Variants in PCDHGB2 observed in about 807,000 individuals in gnomAD.
PCDHGB2 encodes protocadherin gamma subfamily B, 2.
A neutral mutation model predicts 59.3 loss-of-function variants in PCDHGB2; 55 were observed. That is an observed-to-expected ratio of 0.93 (90% CI 0.75 to 1.16). The LOEUF (loss-of-function observed/expected upper bound fraction) is 1.16, where lower values mean the gene tolerates loss of function less well. Ranked by LOEUF, PCDHGB2 falls within the 50% of genes most tolerant of loss-of-function variation. The probability of loss-of-function intolerance (pLI) is 0.00; values close to 1 mark genes in which losing one functional copy is unlikely to be tolerated. For synonymous variants in PCDHGB2, 516 were observed against 512.0 expected (o/e 1.01, Z -0.11); for missense variants, 1,228 against 1,198.5 (o/e 1.02, Z -0.36).
At chr5:141,382,912 C>T in intron 1 of PCDHGB2, 1 of 1,552,240 alleles carries the variant, frequency 6.4e-7, no homozygotes, top group South Asian at 1.2e-5. Context: ...GGCGGCTCAG[C>T]CGAGGGGCGG....
chr5:141,460,624 T>TA (rs1464862917), intron 1 of PCDHGB2, among the ~76,000 whole-genome samples: 2 of 152,128 alleles, frequency 1.3e-5, no homozygotes, highest in African/African-American at 4.8e-5. Context: ...GATAGACAGA[T>TA]ACAGATATAT....
intron 1 of PCDHGB2, chr5:141,433,239 G>A: frequency 1.3e-6 from 2 of 1,494,126 alleles, no homozygotes; most frequent in Non-Finnish European, 1.8e-6. Context: ...TGTCTCCCAA[G>A]CTGGAATGCA....
intron 1 of PCDHGB2, chr5:141,415,863 G>T (rs1321470910): frequency 2.7e-5 from 30 of 1,107,154 alleles, no homozygotes; most frequent in Non-Finnish European, 3.6e-5. Context: ...GTAGTTTATA[G>T]TGTTGTTGAG....
chr5:141,477,794 C>G lies in PCDHGB2; in HGVS notation c.2422-17013C>G, dbSNP rs148942362. The G allele has an allele frequency of 6.2e-7, 1 of 1,614,086 alleles. No individual in the cohort carries two copies. The highest frequency in any genetic ancestry group is 1.1e-5 in the South Asian group (1 of 91,082). On this transcript the variant is annotated intron_variant, in intron 1 of 3. Transcript: ENST00000522605. This position sits in a 1 kb window ranked among gnomAD's most constrained non-coding sequence, Gnocchi z 4.9. ...CAGCGTGAACATATTTGTCACTGAT[C>G]GCAATGACAATGCCCCCCAGGTCCT...
intron 1 of PCDHGB2, chr5:141,419,239 C>T (rs374093302): frequency 3.7e-6 from 6 of 1,614,008 alleles, no homozygotes; most frequent in East Asian, 2.2e-5. Context: ...ACCTGGTCCA[C>T]GTGCCAGAAA....
At chr5:141,421,955 T>A in intron 1 of PCDHGB2, 1 of 1,612,914 alleles carries the variant, frequency 6.2e-7, no homozygotes, top group South Asian at 1.1e-5. Context: ...ATCCCAATGT[T>A]TACACAGTCC....
rs746088761 is a variant in PCDHGB2 at position 141,404,246 on chromosome 5, CT to C, written c.2421+41691del. 9.3e-6 allele frequency: 15 copies of C among 1,613,922 alleles called. 1 individual carries two copies. The highest frequency in any genetic ancestry group is 5.0e-5 in the Admixed American group (3 of 60,012). Reference sequence around the variant, plus strand: ...TGCAACAGACAGAGGAACTCCGCCCCTGTCCACAGAAATTCACATCACCCTG... The same window carrying C: ...TGCAACAGACAGAGGAACTCCGCCCCGTCCACAGAAATTCACATCACCCTG... On this transcript the variant is annotated intron_variant, in intron 1 of 3. Coordinates refer to ENST00000522605, the MANE Select transcript of PCDHGB2 (RefSeq NM_018923.3).
At position 141,361,052 on chromosome 5, in the gene PCDHGB2, A is replaced by G; in HGVS notation, c.917A>G (p.Asp306Gly). Reference sequence around the variant, plus strand: ...ACAGGAGAAATCACGACAAAGGATGATTTGGATTTTGAGATTGCAAGTAGT... The same window carrying G: ...ACAGGAGAAATCACGACAAAGGATGGTTTGGATTTTGAGATTGCAAGTAGT... Reference protein sequence around the residue: ...EKTGEITTKDDLDFEIASSYT... With the variant: ...EKTGEITTKDGLDFEIASSYT... The change falls in exon 1 of 4, where the codon GAT (aspartate) becomes GGT (glycine). Residue 306 changes from aspartate (D) to glycine (G), a missense_variant. Physicochemically the swap from Asp to Gly is moderately conservative, Grantham distance 94 (BLOSUM62 -1). This residue lies in a region of PCDHGB2 where 781 missense variants were observed against 721.6 expected (regional missense o/e 1.08). Transcript: ENST00000522605. The G allele has an allele frequency of 6.2e-7, 1 of 1,613,800 alleles. No individual in the cohort carries two copies. Among genetic ancestry groups the G allele is most frequent in the Non-Finnish European group, 8.5e-7 (1 of 1,179,782 alleles).
chr5:141,410,661 A>G, intron 1 of PCDHGB2: 1 of 1,572,394 alleles, frequency 6.4e-7, no homozygotes, highest in Non-Finnish European at 8.6e-7. Context: ...CTAATAGTCT[A>G]CTAGTTTCTC....
At chr5:141,405,363 C>A (rs765508317) in intron 1 of PCDHGB2, 3 of 1,613,808 alleles carry the variant, frequency 1.9e-6, no homozygotes, top group South Asian at 1.1e-5. Context: ...ATAGAAGACA[C>A]CCCTTTGGTT....
In PCDHGB2 at chr5:141,380,519, G is replaced by C. The variant is rs564373516; in HGVS notation, c.2421+17963G>C. 2.0e-5 allele frequency among the ~76,000 whole-genome samples: 3 copies of C among 152,234 alleles called. No homozygotes were observed. In the East Asian group the frequency reaches 5.8e-4, roughly 29 times the overall value. ...CAATAATATACACTCTTTAAACTATGAAATGATTTCAATTTGATACAATGA... is the reference window on the plus strand; with the variant it reads ...CAATAATATACACTCTTTAAACTATCAAATGATTTCAATTTGATACAATGA... On this transcript the variant is annotated intron_variant, in intron 1 of 3. Transcript: ENST00000522605.
rs551885796 is a variant in PCDHGB2, at chr5:141,361,524, G to T, written c.1389G>T (p.Glu463Asp). The T allele has an allele frequency of 6.2e-7, 1 of 1,614,056 alleles. No homozygotes were observed. Among genetic ancestry groups the T allele is most frequent in the South Asian group, 1.1e-5 (1 of 91,084 alleles). The change falls in exon 1 of 4, where the codon GAG becomes GAT. Residue 463 changes from glutamate (E) to aspartate (D), a missense_variant. Physicochemically the swap from Glu to Asp is conservative, Grantham distance 45. This residue lies in a region of PCDHGB2 where 781 missense variants were observed against 721.6 expected (regional missense o/e 1.08). Transcript: ENST00000522605. The stretch of plus-strand genomic sequence containing the variant: ...CTTCCTACATGGTTCACGTGGCAGA[G>T]AACAATCCTCCTGGCGCCTCTATCG... ...QQTSYMVHVA[E>D]NNPPGASIAQ...
rs1288507078 is a variant in PCDHGB2 at position 141,476,171 on chromosome 5, G to A, written c.2422-18636G>A. On this transcript the variant is annotated intron_variant, in intron 1 of 3. Transcript: ENST00000522605. This position sits in a 1 kb window ranked among gnomAD's most constrained non-coding sequence, Gnocchi z 7.6. ...GGTAAGCACCGGGAGGGTAGTGGGA[G>A]TTTTGCTTCTGCTTGGTGCCTTGAA... The A allele has an allele frequency of 1.2e-6, 2 of 1,613,442 alleles. No individual in the cohort carries two copies. The highest frequency in any genetic ancestry group is 1.7e-6 in the Non-Finnish European group (2 of 1,179,978).
At chr5:141,436,950 C>A (rs894702404) in intron 1 of PCDHGB2, among the ~76,000 whole-genome samples, 3 of 152,138 alleles carry the variant, frequency 2.0e-5, no homozygotes, top group African/African-American at 7.2e-5. Flanking sequence ...ATAGTGAAAT[C>A]TAAACAAGGA....
Position 141,431,451 on chromosome 5 carries a change from T to C in PCDHGB2, c.2422-63356T>C. On this transcript the variant is annotated intron_variant, in intron 1 of 3. Transcript: ENST00000522605. The surrounding 1 kb of genome is among the most constrained non-coding windows in gnomAD (Gnocchi z 4.8). ...ACAGGCACCGCGCGCATCCGCGTGA[T>C]GGTTCTGGATGCGAACGACAACGCA... The C allele has an allele frequency of 6.2e-7, 1 of 1,613,762 alleles. No individual in the cohort carries two copies. Among genetic ancestry groups the C allele is most frequent in the African/African-American group, 1.3e-5 (1 of 75,072 alleles).
At chr5:141,423,758 G>GGGC (rs1554116874) in intron 1 of PCDHGB2, 82 of 366,752 alleles carry the variant, frequency 2.2e-4, no homozygotes, top group Middle Eastern at 4.2e-4. Context: ...TTTGGGGGGG[G>GGGC]GGTGGGGCGG....
chr5:141,442,131 A>T, intron 1 of PCDHGB2: 1 of 165,118 alleles, frequency 6.1e-6, no homozygotes, highest in Non-Finnish European at 1.3e-5. Context: ...GACAGCCTGC[A>T]GGAGACTCTG....
At chr5:141,443,845 A>C (rs923351698) in intron 1 of PCDHGB2, among the ~76,000 whole-genome samples, 19 of 152,224 alleles carry the variant, frequency 1.2e-4, no homozygotes, top group Admixed American at 5.9e-4. Context: ...GGTAATATGG[A>C]AAGTCTGAAA....
At chr5:141,365,397 T>A (rs1763890362) in intron 1 of PCDHGB2, 1 of 1,613,844 alleles carries the variant, frequency 6.2e-7, no homozygotes, top group Non-Finnish European at 8.5e-7. Context: ...ACCAGTTCGA[T>A]CTCTGAAGAC....
Sources: gnomAD v4.1 joint callset for allele counts (sites outside exome capture counted in the v4.1 genomes callset) on GRCh38, gnomAD v4.1.1 for gene constraint, gnomAD v4.1.1 regional missense constraint, Gnocchi (gnomAD v3.1) non-coding constraint, MANE v1.5 for transcripts, NCBI Gene and HGNC (gene_info 2026-07-23, HGNC 2026-07-21) for gene names.